AUTS2: variants seen among roughly 807,000 people sequenced by gnomAD.
The protein encoded by AUTS2 is autism susceptibility gene 2 protein.
A neutral mutation model predicts 112.4 loss-of-function variants in AUTS2; 17 were observed. The ratio of observed to expected loss-of-function variants is 0.15; its 90% CI spans 0.10 to 0.23. The LOEUF is 0.23. Ranked by LOEUF, AUTS2 falls within the 10% of genes least tolerant of loss-of-function variation. The probability of loss-of-function intolerance (pLI) is 1.00; values close to 1 mark genes in which losing one functional copy is unlikely to be tolerated. For synonymous variants in AUTS2, 751 were observed against 702.7 expected (o/e 1.07, Z -1.09); for missense variants, 1,510 against 1,701.6 (o/e 0.89, Z 1.98).
intron 1 of AUTS2, among the ~76,000 whole-genome samples, chr7:69,761,814 T>G (rs1211975297): frequency 6.6e-6 from 1 of 152,216 alleles, no homozygotes; most frequent in Non-Finnish European, 1.5e-5. Context: ...TCAGGATTAC[T>G]TCGACTCTTG....
intron 1 of AUTS2, among the ~76,000 whole-genome samples, chr7:69,852,766 T>A (rs1792547363): frequency 6.6e-6 from 1 of 152,130 alleles, no homozygotes; most frequent in African/African-American, 2.4e-5. Flanking sequence ...GCTTTTCTAA[T>A]GTTATCATTT....
chr7:70,070,507 A>G (rs1373037348), intron 2 of AUTS2, among the ~76,000 whole-genome samples: 1 of 150,850 alleles, frequency 6.6e-6, no homozygotes, highest in Non-Finnish European at 1.5e-5. Context: ...TGAACCCGGG[A>G]GGCGGAGTTT....
chr7:70,166,997 G>A (rs573453614), intron 4 of AUTS2, among the ~76,000 whole-genome samples: 2 of 152,134 alleles, frequency 1.3e-5, no homozygotes, highest in Admixed American at 6.5e-5. Context: ...TTTAGAAGTC[G>A]GCTGGATCAC....
Position 70,040,901 on chromosome 7 carries a change from G to A in AUTS2, c.523-77231G>A, listed in dbSNP as rs893893343. 3.3e-5 allele frequency among the ~76,000 whole-genome samples: 5 copies of A among 152,132 alleles called. No homozygotes were observed. The East Asian group carries it at 5.8e-4, about 18-fold the overall frequency. ...ATACACAAGATGGGTTGGTCCCCATGGCTTTTTATACCTCAACAATTATTT... is the reference window on the plus strand; with the variant it reads ...ATACACAAGATGGGTTGGTCCCCATAGCTTTTTATACCTCAACAATTATTT... On this transcript the variant is annotated intron_variant, in intron 2 of 18. Coordinates refer to ENST00000342771, the MANE Select transcript of AUTS2 (RefSeq NM_015570.4).
At chr7:69,614,739 C>T (rs2533451) in intron 1 of AUTS2, among the ~76,000 whole-genome samples, 93,461 of 151,798 alleles carry the variant, frequency 0.62, 29,082 homozygotes, top group East Asian at 0.7. Context: ...CTGCCTTCAC[C>T]TCCCAGAATG....
intron 1 of AUTS2, among the ~76,000 whole-genome samples, chr7:69,643,114 G>T (rs1258005822): frequency 2.6e-5 from 4 of 152,132 alleles, no homozygotes; most frequent in African/African-American, 9.7e-5. Flanking sequence ...TGCTGGCTAG[G>T]GGCTGCCCTT....
chr7:70,633,812 T>C (rs986601712), intron 5 of AUTS2, among the ~76,000 whole-genome samples: 5 of 152,172 alleles, frequency 3.3e-5, no homozygotes, highest in Non-Finnish European at 5.9e-5. Context: ...TAATACACTT[T>C]CCTAAATTTT....
At chr7:70,336,404 T>C (rs1205854994) in intron 4 of AUTS2, among the ~76,000 whole-genome samples, 1 of 152,208 alleles carries the variant, frequency 6.6e-6, no homozygotes, top group Admixed American at 6.5e-5. Flanking sequence ...TTTCAGAATT[T>C]ATATTGATAA....
At chr7:69,849,991 G>T (rs924475535) in intron 1 of AUTS2, among the ~76,000 whole-genome samples, 3 of 151,992 alleles carry the variant, frequency 2.0e-5, no homozygotes, top group African/African-American at 4.8e-5. Flanking sequence ...ATAGTGTTTG[G>T]TTTTTAAGAA....
chr7:70,616,299 A>G (rs56125153), intron 5 of AUTS2, among the ~76,000 whole-genome samples: 58,455 of 152,032 alleles, frequency 0.38, 12,003 homozygotes, highest in African/African-American at 0.47. Context: ...CACCAGCCCC[A>G]TGTGGCAGGT....
rs1004453474 is a variant in AUTS2 at position 70,631,323 on chromosome 7, AC to A, written c.691-67245del. Among the ~76,000 whole-genome samples, 9 of 152,122 alleles carry A rather than the reference AC, an allele frequency of 5.9e-5. No homozygotes were observed. The highest frequency in any genetic ancestry group is 2.6e-4 in the Admixed American group (4 of 15,280). On this transcript the variant is annotated intron_variant, in intron 5 of 18. Coordinates refer to ENST00000342771, the MANE Select transcript of AUTS2 (RefSeq NM_015570.4). This position sits in a 1 kb window ranked among gnomAD's most constrained non-coding sequence, Gnocchi z 4.5. ...GGGCTGCTGGCTCGCCTTGAAGAGA[AC>A]ACCAGGGCAGGGGCTGGCGACTGGC...
chr7:70,211,228 A>G (rs1436818995), intron 4 of AUTS2, among the ~76,000 whole-genome samples: 1 of 152,116 alleles, frequency 6.6e-6, no homozygotes, highest in Non-Finnish European at 1.5e-5. Context: ...TTCCCCTTAT[A>G]AACAGACATA....
At chr7:69,799,576 G>A (rs1046307084) in intron 1 of AUTS2, among the ~76,000 whole-genome samples, 1 of 152,168 alleles carries the variant, frequency 6.6e-6, no homozygotes, top group Non-Finnish European at 1.5e-5. Context: ...AGCTGTTACT[G>A]TTAAATCTAC....
intron 1 of AUTS2, among the ~76,000 whole-genome samples, chr7:69,821,388 C>T (rs914399296): frequency 6.6e-6 from 1 of 152,060 alleles, no homozygotes; most frequent in African/African-American, 2.4e-5. Context: ...TGTAAATGCA[C>T]CAATCGGCAC....
intron 4 of AUTS2, among the ~76,000 whole-genome samples, chr7:70,262,284 G>A (rs1481571696): frequency 6.6e-6 from 1 of 152,040 alleles, no homozygotes; most frequent in Non-Finnish European, 1.5e-5. Flanking sequence ...CTGCCTCCTG[G>A]GTTCAAGCAA....
intron 5 of AUTS2, among the ~76,000 whole-genome samples, chr7:70,549,285 C>T (rs534907121): frequency 6.6e-6 from 1 of 151,878 alleles, no homozygotes; most frequent in African/African-American, 2.4e-5. Flanking sequence ...CAGATTTTTC[C>T]GTGTACAGGA....
chr7:69,685,245 A>G (rs1024761143), intron 1 of AUTS2, among the ~76,000 whole-genome samples: 1 of 152,140 alleles, frequency 6.6e-6, no homozygotes, highest in Non-Finnish European at 1.5e-5. Context: ...CTCTGCTCAG[A>G]TCATTTTGGG....
chr7:70,263,595 T>C (rs183009370), intron 4 of AUTS2, among the ~76,000 whole-genome samples: 5 of 152,294 alleles, frequency 3.3e-5, no homozygotes, highest in Admixed American at 3.3e-4. Flanking sequence ...GCATAAAAAC[T>C]TTATTACTTT....
chr7:70,015,422 C>T (rs1799983472), intron 2 of AUTS2, among the ~76,000 whole-genome samples: 1 of 152,180 alleles, frequency 6.6e-6, no homozygotes, highest in South Asian at 2.1e-4. Context: ...ATCTGGCAGC[C>T]ATTAAATGAC....
Sources: gnomAD v4.1 joint callset for allele counts (sites outside exome capture counted in the v4.1 genomes callset) on GRCh38, gnomAD v4.1.1 for gene constraint, Gnocchi (gnomAD v3.1) non-coding constraint, MANE v1.5 for transcripts, NCBI Gene and HGNC (gene_info 2026-07-23, HGNC 2026-07-21) for gene names.